VKORC1L1: variants seen among roughly 807,000 people sequenced by gnomAD.
The protein encoded by VKORC1L1 is vitamin K epoxide reductase complex subunit 1L1, also known as vitamin K epoxide reductase complex subunit 1-like protein 1.
A neutral mutation model predicts 18.9 loss-of-function variants in VKORC1L1; 2 were observed. The ratio of observed to expected loss-of-function variants is 0.11; its 90% CI spans 0.04 to 0.33. VKORC1L1 has a LOEUF of 0.33. Ranked by LOEUF, VKORC1L1 falls within the 10% of genes least tolerant of loss-of-function variation. VKORC1L1 has a pLI of 1.00. For synonymous variants in VKORC1L1, 96 were observed against 100.0 expected (o/e 0.96, Z 0.24); for missense variants, 123 against 224.1 (o/e 0.55, Z 2.88).
At chr7:65,878,395 C>T (rs1053034709) in intron 1 of VKORC1L1, among the ~76,000 whole-genome samples, 15 of 150,058 alleles carry the variant, frequency 1.0e-4, no homozygotes, top group Non-Finnish European at 1.8e-4. Context: ...AGCAGTAAGC[C>T]GAGATTGTGC....
At chr7:65,874,319 T>C (rs1467769443) in intron 1 of VKORC1L1, among the ~76,000 whole-genome samples, 1 of 151,994 alleles carries the variant, frequency 6.6e-6, no homozygotes, top group Non-Finnish European at 1.5e-5. Context: ...AAAGGACAAG[T>C]ATGTTATGTA....
chr7:65,873,384 G>A lies in VKORC1L1; in HGVS notation c.13G>A (p.Val5Ile). Reference sequence around the variant, plus strand: ...CGGCGGCGGGAAGATGGCGGCTCCCGTCCTGCTAAGAGTGTCGGTGCCGCG... The same window carrying A: ...CGGCGGCGGGAAGATGGCGGCTCCCATCCTGCTAAGAGTGTCGGTGCCGCG... MAAP[V>I]LLRVSVPRWE... Residue 5 changes from valine (V) to isoleucine (I), a missense_variant, in exon 1 of 3, where the codon GTC becomes ATC. Coordinates refer to ENST00000360768, the MANE Select transcript of VKORC1L1 (RefSeq NM_173517.6). 6.5e-7 allele frequency: 1 copy of A among 1,542,872 alleles called. No homozygotes were observed.
At chr7:65,926,874 T>C (rs976799288) in intron 1 of VKORC1L1, among the ~76,000 whole-genome samples, 5 of 152,168 alleles carry the variant, frequency 3.3e-5, no homozygotes, top group Non-Finnish European at 5.9e-5. Flanking sequence ...AAACAATATG[T>C]TCTCACTTAT....
At chr7:65,885,789 A>C (rs2116344331) in intron 1 of VKORC1L1, among the ~76,000 whole-genome samples, 1 of 152,152 alleles carries the variant, frequency 6.6e-6, no homozygotes, top group South Asian at 2.1e-4. Flanking sequence ...CTTTTTATAG[A>C]AGTTTGATAT....
At chr7:65,918,531 A>G (rs147094855) in intron 1 of VKORC1L1, among the ~76,000 whole-genome samples, 123 of 152,338 alleles carry the variant, frequency 8.1e-4, no homozygotes, top group African/African-American at 2.8e-3. Flanking sequence ...AGTCAAACCT[A>G]GAGAAATGAA....
At chr7:65,934,910 C>T (rs1334562987) in intron 1 of VKORC1L1, among the ~76,000 whole-genome samples, 2 of 151,758 alleles carry the variant, frequency 1.3e-5, no homozygotes, top group South Asian at 2.1e-4. Flanking sequence ...AAAAATTAGC[C>T]GGGCGTGGTG....
intron 1 of VKORC1L1, among the ~76,000 whole-genome samples, chr7:65,887,538 T>C (rs1259988246): frequency 1.3e-5 from 2 of 151,774 alleles, no homozygotes; most frequent in Admixed American, 1.3e-4. Flanking sequence ...AACTTAAGCC[T>C]CCACTTCCAT....
intron 1 of VKORC1L1, among the ~76,000 whole-genome samples, chr7:65,873,800 A>T (rs1788775350): frequency 6.9e-6 from 1 of 145,968 alleles, no homozygotes. Flanking sequence ...GCAGCCGGGG[A>T]GGGATGAGGT....
At chr7:65,886,839 G>GGTTTTTTT (rs1237860894) in intron 1 of VKORC1L1, among the ~76,000 whole-genome samples, 2 of 58,626 alleles carry the variant, frequency 3.4e-5, no homozygotes, top group Non-Finnish European at 3.3e-5. Context: ...GCCTGTCCGA[G>GGTTTTTTT]TTTTTTTTTT....
At chr7:65,936,522 G>A (rs1037275476) in intron 1 of VKORC1L1, among the ~76,000 whole-genome samples, 3 of 152,144 alleles carry the variant, frequency 2.0e-5, no homozygotes, top group Non-Finnish European at 2.9e-5. Flanking sequence ...TTTTAAAAGC[G>A]TTTGCTATCC....
At chr7:65,952,692 C>T (rs1281922279) in intron 2 of VKORC1L1, among the ~76,000 whole-genome samples, 3 of 151,600 alleles carry the variant, frequency 2.0e-5, no homozygotes, top group Admixed American at 1.3e-4. Flanking sequence ...AAAATAAATG[C>T]ACATATTCTC....
intron 1 of VKORC1L1, among the ~76,000 whole-genome samples, chr7:65,905,789 C>T (rs574231343): frequency 6.6e-6 from 1 of 152,030 alleles, no homozygotes; most frequent in South Asian, 2.1e-4. Context: ...ATGCTTGGTC[C>T]ACGTGTGGTA....
intron 1 of VKORC1L1, among the ~76,000 whole-genome samples, chr7:65,939,362 A>G (rs1789997858): frequency 6.6e-6 from 1 of 152,118 alleles, no homozygotes; most frequent in African/African-American, 2.4e-5. Flanking sequence ...GATTTGGTGG[A>G]AGTGACAAGT....
intron 1 of VKORC1L1, among the ~76,000 whole-genome samples, chr7:65,909,690 T>TTGTGTGTGTGTGTGTG (rs56074368): frequency 5.2e-4 from 65 of 123,836 alleles, no homozygotes; most frequent in African/African-American, 6.3e-4. Context: ...GTTTTAGCCT[T>TTGTGTGTGTGTGTGTG]TGTGTGTGTG....
chr7:65,902,161 G>A (rs1004331970), intron 1 of VKORC1L1, among the ~76,000 whole-genome samples: 1 of 152,210 alleles, frequency 6.6e-6, no homozygotes, highest in Admixed American at 6.5e-5. Flanking sequence ...CCAGGAAAAT[G>A]TGATGTAATC....
Position 65,956,619 on chromosome 7 carries a change from T to C in VKORC1L1, c.*2319T>C, listed in dbSNP as rs891906889. 2 of 152,240 alleles carry C rather than the reference T, an allele frequency of 1.3e-5. No individual in the cohort carries two copies. Among genetic ancestry groups the C allele is most frequent in the African/African-American group, 4.8e-5 (2 of 41,456 alleles). The allele number at this position is 152,240 out of a possible 1,614,324, so 9.4% of individuals were successfully genotyped here. A position where few individuals can be genotyped will look rare whatever the true frequency, so the allele number is the denominator to read the frequency against. The stretch of plus-strand genomic sequence containing the variant: ...TTCTCACTGAGAGAGGAACACGTAC[T>C]GCCTGTCATAACAGCATTGTAATGC... On this transcript the variant is annotated 3_prime_UTR_variant, in exon 3 of 3. Coordinates refer to ENST00000360768, the MANE Select transcript of VKORC1L1 (RefSeq NM_173517.6).
chr7:65,912,091 T>A (rs140246787), intron 1 of VKORC1L1, among the ~76,000 whole-genome samples: 229 of 152,258 alleles, frequency 1.5e-3, no homozygotes, highest in Non-Finnish European at 1.9e-3. Context: ...ACCATTGTAC[T>A]CCAGCCTGAG....
intron 1 of VKORC1L1, among the ~76,000 whole-genome samples, chr7:65,913,599 G>T (rs1789538425): frequency 1.3e-5 from 2 of 151,646 alleles, no homozygotes; most frequent in South Asian, 2.1e-4. Flanking sequence ...GGTGGTGGGT[G>T]CCTGTAATCC....
At position 65,877,943 on chromosome 7, in the gene VKORC1L1, G is replaced by A. The variant is rs369341566; in HGVS notation, c.194+4378G>A. Among the ~76,000 whole-genome samples the A allele has an allele frequency of 7.6e-4, 116 of 152,118 alleles. 2 individuals carry two copies. In the South Asian group the frequency reaches 0.022, roughly 28 times the overall value. ...TTGGGCCTCCATATATGCAGGTTTC[G>A]GTCTGCATTTGGTTGAAAAAGATCC... On this transcript the variant is annotated intron_variant, in intron 1 of 2. Transcript: ENST00000360768.
Sources: allele counts gnomAD v4.1 joint callset (sites outside exome capture counted in the v4.1 genomes callset), GRCh38; gene constraint gnomAD v4.1.1; transcripts MANE v1.5; gene names NCBI Gene and HGNC (gene_info 2026-07-23, HGNC 2026-07-21).